Variants in ALDH7A1 observed in about 807,000 individuals in gnomAD.
ALDH7A1 encodes the protein alpha-aminoadipic semialdehyde dehydrogenase.
In ALDH7A1, 63 loss-of-function variants were observed where a neutral mutation model predicts 79.9. The observed-to-expected ratio is 0.79, with a 90% CI of 0.64 to 0.97. ALDH7A1 has a LOEUF of 0.97. Ranked by LOEUF, ALDH7A1 falls within the 50% of genes least tolerant of loss-of-function variation. ALDH7A1 has a pLI of 0.00. For synonymous variants in ALDH7A1, 240 were observed against 231.2 expected (o/e 1.04, Z -0.34); for missense variants, 627 against 665.2 (o/e 0.94, Z 0.63).
At position 126,546,342 on chromosome 5, in the gene ALDH7A1, T is replaced by C. The variant is rs200102503; in HGVS notation, c.1547A>G (p.Tyr516Cys). Reference sequence around the variant, plus strand: ...TTCTTACCAAGTAGACCTTCTCATGTACTGTTTCCAGGCATCACTGCCAGA... The same window carrying C: ...TTCTTACCAAGTAGACCTTCTCATGCACTGTTTCCAGGCATCACTGCCAGA... Reference protein sequence around the residue: ...RESGSDAWKQYMRRSTCTINY... With the variant: ...RESGSDAWKQCMRRSTCTINY... The change falls in exon 17 of 18, where the codon TAC becomes TGC. Residue 516 changes from tyrosine to cysteine, a missense_variant. By Grantham distance (194) the Tyr-to-Cys change is radical. Coordinates refer to ENST00000409134, the MANE Select transcript of ALDH7A1 (RefSeq NM_001182.5). 9.9e-6 allele frequency: 16 copies of C among 1,614,204 alleles called. No individual in the cohort carries two copies. In the East Asian group the frequency reaches 3.6e-4, roughly 36 times the overall value.
intron 7 of ALDH7A1, among the ~76,000 whole-genome samples, chr5:126,571,651 TA>T (rs199723547): frequency 2.0e-5 from 3 of 152,098 alleles, no homozygotes; most frequent in East Asian, 3.9e-4. Flanking sequence ...TTTATTTATT[TA>T]TTTTTTTTTT....
intron 3 of ALDH7A1, among the ~76,000 whole-genome samples, chr5:126,589,637 G>A (rs958082753): frequency 1.3e-5 from 2 of 152,116 alleles, no homozygotes; most frequent in African/African-American, 2.4e-5. Flanking sequence ...AAATTAGCCA[G>A]GCCTGCCACT....
At position 126,571,150 on chromosome 5, in the gene ALDH7A1, ATTTTTT is replaced by A. The variant is rs386404930; in HGVS notation, c.696-297_696-292del. ...GCCGTTTTCAAAAAACTATTAGCAG[ATTTTTT>A]TTTTTTTTTTTTTTTTTTTTAGCCC... On this transcript the variant is annotated intron_variant, in intron 7 of 17. Coordinates refer to ENST00000409134, the MANE Select transcript of ALDH7A1 (RefSeq NM_001182.5). 2.9e-3 allele frequency: 639 copies of A among 221,692 alleles called. 9 individuals are homozygous for A. The East Asian group carries it at 0.041, about 14-fold the overall frequency. The allele number at this position is 221,692 out of a possible 1,614,324, so 13.7% of individuals were successfully genotyped here.
intron 15 of ALDH7A1, 33 bp downstream of exon 15, chr5:126,550,162 CT>C (rs1554098152): frequency 6.3e-7 from 1 of 1,595,558 alleles, no homozygotes; most frequent in Non-Finnish European, 8.6e-7. Flanking sequence ...ATAAATCAGA[CT>C]TATATAAATT....
At chr5:126,545,791 CAAA>C (rs561880588) in intron 17 of ALDH7A1, among the ~76,000 whole-genome samples, 1 of 128,160 alleles carries the variant, frequency 7.8e-6, no homozygotes. Context: ...GACTCCATCT[CAAA>C]AAAAAAAAAA....
At chr5:126,556,509 G>C (rs1217866994) in intron 11 of ALDH7A1, among the ~76,000 whole-genome samples, 1 of 152,106 alleles carries the variant, frequency 6.6e-6, no homozygotes, top group African/African-American at 2.4e-5. Context: ...CTCCCAAAGT[G>C]CTGGGATTAC....
chr5:126,563,321 AAAGTC>A (rs1423164485), intron 9 of ALDH7A1, among the ~76,000 whole-genome samples: 1 of 152,242 alleles, frequency 6.6e-6, no homozygotes, highest in Non-Finnish European at 1.5e-5. Flanking sequence ...TAAGTTATTA[AAAGTC>A]AAGAAAAGAA....
rs905207304 is a variant in ALDH7A1 at position 126,542,130 on chromosome 5, A to G, written c.*2835T>C. 10 of 146,758 alleles carry G rather than the reference A, an allele frequency of 6.8e-5. No homozygotes were observed. Among genetic ancestry groups the G allele is most frequent in the African/African-American group, 2.0e-4 (8 of 39,344 alleles). The allele number at this position is 146,758 out of a possible 1,614,324, so 9.1% of individuals were successfully genotyped here. On this transcript the variant is annotated 3_prime_UTR_variant, in exon 18 of 18. Transcript: ENST00000409134. ...ATCATTGGCAGGAAGCTTCTGCAGG[A>G]TAAGCTCCAGGTGTAGAAAAAAAAA... is the stretch of plus-strand genomic sequence containing the variant.
intron 17 of ALDH7A1, 92 bp downstream of exon 17, chr5:126,546,232 C>G: frequency 8.6e-7 from 1 of 1,161,414 alleles, no homozygotes; most frequent in Non-Finnish European, 1.3e-6. Context: ...TCAAATGACA[C>G]TGCACAAAGA....
intron 1 of ALDH7A1, 65 bp from the exon 2 acceptor site, chr5:126,593,469 C>T: frequency 6.2e-7 from 1 of 1,604,128 alleles, no homozygotes; most frequent in Non-Finnish European, 8.5e-7. Flanking sequence ...AGGGAATAGA[C>T]CAAACGGGGA....
In ALDH7A1 at chr5:126,595,185, G is replaced by T; in HGVS notation, c.14C>A (p.Pro5His). 1 of 1,552,350 alleles carries T rather than the reference G, an allele frequency of 6.4e-7. No homozygotes were observed. Residue 5 changes from proline (P) to histidine (H), a missense_variant, in exon 1 of 18, where the codon CCT becomes CAT. Transcript: ENST00000409134. ...TGCAGCGTGCACACACAGCGCGCGA[G>T]GAAGGCGCCACATACTGAGCCCGGG... is the stretch of plus-strand genomic sequence containing the variant. MWRL[P>H]RALCVHAAKT...
At chr5:126,580,548 G>T (rs1189748140) in intron 5 of ALDH7A1, among the ~76,000 whole-genome samples, 6 of 152,060 alleles carry the variant, frequency 3.9e-5, no homozygotes, top group Non-Finnish European at 8.8e-5. Context: ...CTTTCTACAA[G>T]TAGGGAATTT....
At chr5:126,569,429 G>A (rs1380857884) in intron 8 of ALDH7A1, 2 of 152,154 alleles carry the variant, frequency 1.3e-5, no homozygotes, top group Non-Finnish European at 2.9e-5. Flanking sequence ...AGACACTACT[G>A]ATTTGAACCT....
At chr5:126,593,604 CT>C (rs1751634430) in intron 1 of ALDH7A1, 200 bp from the exon 2 acceptor site, 1 of 751,528 alleles carries the variant, frequency 1.3e-6, no homozygotes, top group Admixed American at 2.7e-5. Flanking sequence ...TAGAAACTAC[CT>C]TTCTGCAAAA....
intron 7 of ALDH7A1, among the ~76,000 whole-genome samples, chr5:126,575,126 T>A (rs988592425): frequency 2.6e-5 from 4 of 152,216 alleles, no homozygotes; most frequent in Non-Finnish European, 4.4e-5. Flanking sequence ...ATATAGATCC[T>A]AAATTGCAAA....
intron 1 of ALDH7A1, chr5:126,593,923 G>C (rs1046929936): frequency 5.9e-5 from 16 of 272,220 alleles, no homozygotes; most frequent in Non-Finnish European, 1.0e-4. Context: ...AAACACCGAG[G>C]TCTGAGGAGC....
At chr5:126,555,062 C>A in intron 12 of ALDH7A1, 1 of 157,710 alleles carries the variant, frequency 6.3e-6, no homozygotes. Context: ...AGGTGGAGCT[C>A]TGGGAGCAAG....
chr5:126,583,888 T>G (rs752170501), intron 4 of ALDH7A1, 44 bp downstream of exon 4: 9 of 1,465,868 alleles, frequency 6.1e-6, no homozygotes, highest in Non-Finnish European at 8.6e-6. Context: ...GACAGCCTTA[T>G]TGTCCACTCA....
intron 5 of ALDH7A1, among the ~76,000 whole-genome samples, chr5:126,582,497 A>T (rs572640271): frequency 2.3e-4 from 35 of 152,154 alleles, no homozygotes; most frequent in Non-Finnish European, 4.7e-4. Flanking sequence ...GCCACAATGA[A>T]CTTCTTTAAA....
Sources: allele counts gnomAD v4.1 joint callset (sites outside exome capture counted in the v4.1 genomes callset), GRCh38; gene constraint gnomAD v4.1.1; transcripts MANE v1.5; gene names NCBI Gene and HGNC (gene_info 2026-07-23, HGNC 2026-07-21).